AASDH: variants seen among roughly 807,000 people sequenced by gnomAD.
The protein encoded by AASDH is aminoadipate-semialdehyde dehydrogenase.
Under a neutral mutation model 102.3 loss-of-function variants are expected in AASDH, and 81 were observed. The observed-to-expected ratio is 0.79, with a 90% CI of 0.66 to 0.95. AASDH has a LOEUF of 0.95. Among genes scored for constraint, AASDH ranks in the 40% least tolerant of loss-of-function variants. The pLI is 0.00. For synonymous variants in AASDH, 398 were observed against 454.0 expected (o/e 0.88, Z 1.57); for missense variants, 1,203 against 1,266.2 (o/e 0.95, Z 0.76).
chr4:56,351,747 C>T (rs1234043715), intron 9 of AASDH, among the ~76,000 whole-genome samples: 2 of 151,890 alleles, frequency 1.3e-5, no homozygotes, highest in Admixed American at 6.6e-5. Context: ...GCCTGGGCAA[C>T]ACAGCAAGAC....
Position 56,338,623 on chromosome 4 carries a change from C to T in AASDH, c.3076G>A (p.Ala1026Thr), listed in dbSNP as rs1480233677. 1 of 1,614,068 alleles carries T rather than the reference C, an allele frequency of 6.2e-7. No individual in the cohort carries two copies. The highest frequency in any genetic ancestry group is 1.3e-5 in the African/African-American group (1 of 74,938). Residue 1026 changes from alanine to threonine, a missense_variant, in exon 15 of 15, where the codon GCT becomes ACT. Physicochemically the swap from Ala to Thr is moderately conservative, Grantham distance 58. Transcript: ENST00000205214. The stretch of plus-strand genomic sequence containing the variant: ...TTGCTGCCATTGTAGTTATGGAAAG[C>T]AAACGGTGTTGCATAGACCCTTGAA... ...TTSRVYATPF[A>T]FHNYNGSNEM...
chr4:56,363,836 C>A (rs369730103), intron 5 of AASDH, among the ~76,000 whole-genome samples: 4 of 152,164 alleles, frequency 2.6e-5, no homozygotes, highest in African/African-American at 7.2e-5. Flanking sequence ...CAAAGGAACG[C>A]AGCTCCTCAC....
At chr4:56,367,764 C>T (rs1578029554) in intron 5 of AASDH, among the ~76,000 whole-genome samples, 1 of 150,806 alleles carries the variant, frequency 6.6e-6, no homozygotes, top group African/African-American at 2.4e-5. Context: ...CCATAAAAAC[C>T]CTAGAAGAAA....
chr4:56,384,369 A>T, intron 1 of AASDH, 28 bp from the exon 2 acceptor site: 4 of 1,427,636 alleles, frequency 2.8e-6, no homozygotes, highest in South Asian at 2.4e-5. Context: ...TGTTAGGGGG[A>T]GAGGGAGTTT....
Position 56,345,238 on chromosome 4 carries a change from G to T in AASDH, c.2541C>A (p.Tyr847Ter). ...CAGCATCTTCAGTAGTAAACATCCA[G>T]TATTTTTCTCCACTATTACTTTTCA... ...YVLKSNSGEKYWMFTTEDAVK... is the reference protein window; with the variant it reads ...YVLKSNSGEK Residue 847 changes from tyrosine to a stop codon, truncating the protein, a stop_gained, in exon 12 of 15, where the codon TAC (tyrosine) becomes TAA (stop). Coordinates refer to ENST00000205214, the MANE Select transcript of AASDH (RefSeq NM_181806.4). LOFTEE classifies it high-confidence loss of function. 6.2e-7 allele frequency: 1 copy of T among 1,613,812 alleles called. No individual in the cohort carries two copies. The highest frequency in any genetic ancestry group is 8.5e-7 in the Non-Finnish European group (1 of 1,179,760).
chr4:56,339,754 A>G (rs1234467474), intron 14 of AASDH, among the ~76,000 whole-genome samples: 1 of 151,754 alleles, frequency 6.6e-6, no homozygotes, highest in African/African-American at 2.4e-5. Flanking sequence ...GTTTCAAAAA[A>G]AAAAAAAAAA....
intron 5 of AASDH, chr4:56,356,192 A>G: frequency 2.7e-6 from 2 of 737,092 alleles, no homozygotes; most frequent in Non-Finnish European, 4.9e-6. Flanking sequence ...TGTTGTGAAG[A>G]AGCAGGAGGA....
At chr4:56,355,159 T>A in intron 6 of AASDH, 23 bp downstream of exon 6, 1 of 1,609,956 alleles carries the variant, frequency 6.2e-7, no homozygotes, top group Non-Finnish European at 8.5e-7. Flanking sequence ...CTCTTCTCTA[T>A]ATAGTACAAT....
At chr4:56,341,389 CTTTTTT>C (rs575687659) in intron 14 of AASDH, among the ~76,000 whole-genome samples, 8,857 of 92,570 alleles carry the variant, frequency 0.096, 511 homozygotes, top group East Asian at 0.29. Flanking sequence ...AGACTTTTAT[CTTTTTT>C]TTTTTTTTTT....
intron 8 of AASDH, among the ~76,000 whole-genome samples, chr4:56,353,810 G>A (rs1749268042): frequency 6.6e-6 from 1 of 152,108 alleles, no homozygotes; most frequent in African/African-American, 2.4e-5. Flanking sequence ...AAATAAGCCA[G>A]TTAAATTTCA....
chr4:56,361,581 T>C (rs1383108519), intron 5 of AASDH, among the ~76,000 whole-genome samples: 4 of 152,188 alleles, frequency 2.6e-5, no homozygotes, highest in Non-Finnish European at 5.9e-5. Flanking sequence ...TGTTAAAATT[T>C]CTTCCGAGTT....
At position 56,345,200 on chromosome 4, in the gene AASDH, G is replaced by A; in HGVS notation, c.2579C>T (p.Ala860Val). ...FTTEDAVKSSATMDPTTGLIY... is the reference protein window; with the variant it reads ...FTTEDAVKSSVTMDPTTGLIY... Reference sequence around the variant, plus strand: ...GAGTCCTGTGGTTGGATCCATGGTTGCCGAGCTTTTGACAGCATCTTCAGT... The same window carrying A: ...GAGTCCTGTGGTTGGATCCATGGTTACCGAGCTTTTGACAGCATCTTCAGT... The change falls in exon 12 of 15, where the codon GCA (alanine) becomes GTA (valine). Residue 860 changes from alanine (A) to valine (V), a missense_variant. Ala to Val is a moderately conservative substitution (Grantham distance 64). Coordinates refer to ENST00000205214, the MANE Select transcript of AASDH (RefSeq NM_181806.4). 5.6e-6 allele frequency: 9 copies of A among 1,614,132 alleles called. No homozygotes were observed. The highest frequency in any genetic ancestry group is 7.6e-6 in the Non-Finnish European group (9 of 1,180,014).
chr4:56,353,726 A>C, intron 8 of AASDH, 130 bp from the exon 9 acceptor site: 1 of 858,614 alleles, frequency 1.2e-6, no homozygotes, highest in Non-Finnish European at 1.7e-6. Flanking sequence ...ATTTTTAAAA[A>C]ATTGCTTTGC....
In AASDH at chr4:56,342,927, G is replaced by T; in HGVS notation, c.2815C>A (p.Pro939Thr). 2 of 1,593,518 alleles carry T rather than the reference G, an allele frequency of 1.3e-6. No homozygotes were observed. Among genetic ancestry groups the T allele is most frequent in the Non-Finnish European group, 1.7e-6 (2 of 1,170,066 alleles). ...CAACATTGTGGGGAAGAGAAGAGTGGTTTTCCACAGGAATGTTTCCAAATA... is the reference window on the plus strand; with the variant it reads ...CAACATTGTGGGGAAGAGAAGAGTGTTTTTCCACAGGAATGTTTCCAAATA... ...NVIWKHSCGK[P>T]LFSSPQCCSQ... The change falls in exon 14 of 15, where the codon CCA becomes ACA. Residue 939 changes from proline (P) to threonine (T), a missense_variant. By Grantham distance (38) the Pro-to-Thr change is conservative. Coordinates refer to ENST00000205214, the MANE Select transcript of AASDH (RefSeq NM_181806.4).
In AASDH at chr4:56,354,687, C is replaced by G. The variant is rs760231539; in HGVS notation, c.1210+18G>C. On this transcript the variant is annotated intron_variant, in intron 7 of 14. Transcript: ENST00000205214. ...TTTTCTTGAAAAAAAAATTCCCAAT[C>G]AACAAATATAAAACAACCTAAAAAT... The G allele has an allele frequency of 6.8e-5, 106 of 1,555,968 alleles. 1 individual carries two copies. The Middle Eastern group carries it at 6.9e-4, about 10-fold the overall frequency.
Position 56,384,212 on chromosome 4 carries a change from G to C in AASDH, c.88C>G (p.Pro30Ala). The C allele has an allele frequency of 6.2e-7, 1 of 1,614,134 alleles. No individual in the cohort carries two copies. Among genetic ancestry groups the C allele is most frequent in the East Asian group, 2.2e-5 (1 of 44,868 alleles). Residue 30 changes from proline to alanine, a missense_variant, in exon 2 of 15, where the codon CCA becomes GCA. Pro to Ala is a conservative substitution (Grantham distance 27). Coordinates refer to ENST00000205214, the MANE Select transcript of AASDH (RefSeq NM_181806.4). ...VCFDECNNQLPVYYTYKTVVN... is the reference protein window; with the variant it reads ...VCFDECNNQLAVYYTYKTVVN... ...ACAGTCTTGTAGGTGTAGTAAACTGGAAGCTGGTTGTTGCATTCATCAAAA... is the reference window on the plus strand; with the variant it reads ...ACAGTCTTGTAGGTGTAGTAAACTGCAAGCTGGTTGTTGCATTCATCAAAA...
chr4:56,338,316 TA>T lies in AASDH; in HGVS notation c.*85del, dbSNP rs1352424125. 4.9e-6 allele frequency: 7 copies of T among 1,419,226 alleles called. No individual in the cohort carries two copies. Among genetic ancestry groups the T allele is most frequent in the Admixed American group, 2.3e-5 (1 of 43,224 alleles). 87.9% of individuals were successfully genotyped at this position (1,419,226 alleles called of 1,614,324 possible). A position where few individuals can be genotyped will look rare whatever the true frequency, so the allele number is the denominator to read the frequency against. On this transcript the variant is annotated 3_prime_UTR_variant, in exon 15 of 15. Transcript: ENST00000205214. The stretch of plus-strand genomic sequence containing the variant: ...TTCTTAGCCAAAATATAATCTTCTT[TA>T]ATATAAAATAAGTCCACATGATGTA...
chr4:56,351,595 T>G, intron 9 of AASDH, 138 bp from the exon 10 acceptor site: 1 of 569,524 alleles, frequency 1.8e-6, no homozygotes, highest in Non-Finnish European at 3.1e-6. Context: ...CAACAATCAA[T>G]TCTAAAAAGT....
In AASDH at chr4:56,338,603, G is replaced by A. The variant is rs1204475686; in HGVS notation, c.3096C>T (p.Gly1032=). 14 of 1,614,036 alleles carry A rather than the reference G, an allele frequency of 8.7e-6. No individual in the cohort carries two copies. Among genetic ancestry groups the A allele is most frequent in the Non-Finnish European group, 8.5e-6 (10 of 1,180,030 alleles). The change falls in exon 15 of 15, where the codon GGC becomes GGT. Residue 1032 remains glycine, a synonymous_variant. Coordinates refer to ENST00000205214, the MANE Select transcript of AASDH (RefSeq NM_181806.4). ...CTGCTGCCAGCAACATTTCATTGCT[G>A]CCATTGTAGTTATGGAAAGCAAACG... ...ATPFAFHNYN[G]SNEMLLAAAS...
Sources: gnomAD v4.1 joint callset for allele counts (sites outside exome capture counted in the v4.1 genomes callset) on GRCh38, gnomAD v4.1.1 for gene constraint, MANE v1.5 for transcripts, NCBI Gene and HGNC (gene_info 2026-07-23, HGNC 2026-07-21) for gene names.